The following MAGI2 variants were observed in gnomAD, a reference collection of about 807,000 sequenced individuals.
The protein encoded by MAGI2 is membrane-associated guanylate kinase, WW and PDZ domain-containing protein 2.
Under a neutral mutation model 133.3 loss-of-function variants are expected in MAGI2, and 35 were observed. The ratio of observed to expected loss-of-function variants is 0.26; its 90% CI spans 0.20 to 0.35. The LOEUF (loss-of-function observed/expected upper bound fraction) is 0.35. MAGI2 is among the 10% of genes least tolerant of loss of function. The pLI is 1.00. For synonymous variants in MAGI2, 729 were observed against 710.6 expected (o/e 1.03, Z -0.41); for missense variants, 1,636 against 1,863.4 (o/e 0.88, Z 2.25).
chr7:79,049,761 T>A (rs1005292144), intron 1 of MAGI2, among the ~76,000 whole-genome samples: 1 of 152,124 alleles, frequency 6.6e-6, no homozygotes, highest in African/African-American at 2.4e-5. Flanking sequence ...GTTTTATATG[T>A]CTGATAACAC....
At chr7:78,092,649 C>T (rs1817314415) in intron 20 of MAGI2, among the ~76,000 whole-genome samples, 2 of 152,090 alleles carry the variant, frequency 1.3e-5, no homozygotes, top group African/African-American at 4.8e-5. Flanking sequence ...TTTCTTAAAT[C>T]ACTAAAATAA....
chr7:78,685,113 A>G (rs1429399811), intron 2 of MAGI2, among the ~76,000 whole-genome samples: 5 of 152,200 alleles, frequency 3.3e-5, no homozygotes, highest in Non-Finnish European at 7.3e-5. Context: ...AGTTTTCACA[A>G]TGGTGTCTCT....
intron 2 of MAGI2, among the ~76,000 whole-genome samples, chr7:78,868,088 G>C (rs1025119672): frequency 6.6e-6 from 1 of 152,002 alleles, no homozygotes; most frequent in East Asian, 1.9e-4. Flanking sequence ...ACTGCAAAAA[G>C]ATAACATAAT....
intron 1 of MAGI2, among the ~76,000 whole-genome samples, chr7:79,123,928 A>G (rs190851735): frequency 5.4e-5 from 8 of 148,818 alleles, no homozygotes; most frequent in Admixed American, 5.3e-4. Flanking sequence ...AACTCACTCC[A>G]CTTTTTTTTT....
At chr7:79,273,360 C>T (rs549270724) in intron 1 of MAGI2, among the ~76,000 whole-genome samples, 2 of 152,154 alleles carry the variant, frequency 1.3e-5, no homozygotes, top group East Asian at 3.9e-4. Flanking sequence ...TAGTATGAGG[C>T]TCCCCATGTT....
At chr7:78,788,512 C>G (rs564655977) in intron 2 of MAGI2, among the ~76,000 whole-genome samples, 1 of 151,848 alleles carries the variant, frequency 6.6e-6, no homozygotes, top group Admixed American at 6.5e-5. Flanking sequence ...CTTTGACTGC[C>G]CTTTTTCTCT....
intron 8 of MAGI2, 57 bp from the exon 9 acceptor site, chr7:78,344,017 G>A (rs1562859591): frequency 6.5e-7 from 1 of 1,528,274 alleles, no homozygotes. Context: ...CAAGTTCTCA[G>A]ACAAGAGAAA....
chr7:78,037,558 A>T (rs1429345461), intron 21 of MAGI2, among the ~76,000 whole-genome samples: 1 of 152,252 alleles, frequency 6.6e-6, no homozygotes, highest in Non-Finnish European at 1.5e-5. Flanking sequence ...GCCGATTTCA[A>T]GCAGGCTTAA....
At chr7:78,145,507 C>T (rs1279582627) in intron 16 of MAGI2, among the ~76,000 whole-genome samples, 5 of 152,024 alleles carry the variant, frequency 3.3e-5, no homozygotes, top group Admixed American at 6.6e-5. Context: ...ATTGGCATCC[C>T]GGATTGGTCT....
intron 2 of MAGI2, among the ~76,000 whole-genome samples, chr7:78,834,996 T>G (rs2151450346): frequency 6.6e-6 from 1 of 152,310 alleles, no homozygotes; most frequent in African/African-American, 2.4e-5. Flanking sequence ...TTGTACAGCC[T>G]GCAGACTGTG....
Position 78,812,582 on chromosome 7 carries a change from A to ATG in MAGI2, c.419-185345_419-185344dup, listed in dbSNP as rs879528443. 3.9e-4 allele frequency among the ~76,000 whole-genome samples: 32 copies of ATG among 82,488 alleles called. No individual in the cohort carries two copies. In the Admixed American group the frequency reaches 4.0e-3, roughly 10 times the overall value. 54.1% of individuals were successfully genotyped at this position (82,488 alleles called of 152,430 possible). ...TACAGTTATCTACCTACATATATGT[A>ATG]TGTATGTGTGTGTGTGTGTGTGTGT... On this transcript the variant is annotated intron_variant, in intron 2 of 21. Transcript: ENST00000354212.
intron 1 of MAGI2, among the ~76,000 whole-genome samples, chr7:79,133,723 T>A (rs1170334346): frequency 1.3e-5 from 2 of 152,018 alleles, no homozygotes; most frequent in African/African-American, 4.8e-5. Context: ...CAACAGAAAA[T>A]TTTTCAATTA....
At chr7:78,497,877 G>A (rs1794269587) in intron 5 of MAGI2, among the ~76,000 whole-genome samples, 1 of 151,840 alleles carries the variant, frequency 6.6e-6, no homozygotes. Context: ...CTAATTAAAG[G>A]GTGGGACCTG....
chr7:78,017,694 T>A lies in MAGI2; in HGVS notation c.*1621A>T, dbSNP rs1348350341. On this transcript the variant is annotated 3_prime_UTR_variant, in exon 22 of 22. Coordinates refer to ENST00000354212, the MANE Select transcript of MAGI2 (RefSeq NM_012301.4). ...GAGGCTTTCAGCCTTATTCTCCTCC[T>A]GTCAAACAACTAAACTACTCCGATG... is the stretch of plus-strand genomic sequence containing the variant. 1 of 152,672 alleles carries A rather than the reference T, an allele frequency of 6.5e-6. No homozygotes were observed. The highest frequency in any genetic ancestry group is 1.5e-5 in the Non-Finnish European group (1 of 68,054). The allele number at this position is 152,672 out of a possible 1,614,324, so 9.5% of individuals were successfully genotyped here. A position where few individuals can be genotyped will look rare whatever the true frequency, so the allele number is the denominator to read the frequency against.
intron 1 of MAGI2, among the ~76,000 whole-genome samples, chr7:79,407,914 C>T (rs17152454): frequency 6.6e-6 from 1 of 151,890 alleles, no homozygotes. Flanking sequence ...TATTATTAAG[C>T]CTTTAAATTC....
chr7:78,340,238 T>C (rs1790218261), intron 9 of MAGI2, among the ~76,000 whole-genome samples: 1 of 152,132 alleles, frequency 6.6e-6, no homozygotes, highest in South Asian at 2.1e-4. Flanking sequence ...GATATAGTTA[T>C]TGTACTTTAT....
intron 3 of MAGI2, among the ~76,000 whole-genome samples, chr7:78,620,035 G>T (rs1023378135): frequency 6.6e-6 from 1 of 151,872 alleles, no homozygotes; most frequent in Non-Finnish European, 1.5e-5. Flanking sequence ...ATCTACTGCT[G>T]TTATGAAGGT....
intron 3 of MAGI2, chr7:78,618,801 T>A (rs534480278): frequency 1.3e-5 from 2 of 151,714 alleles, no homozygotes; most frequent in Admixed American, 6.6e-5. Flanking sequence ...TTCACTTACA[T>A]CTGGAATCAA....
chr7:78,224,925 C>A (rs1201720856), intron 10 of MAGI2, among the ~76,000 whole-genome samples: 1 of 152,122 alleles, frequency 6.6e-6, no homozygotes, highest in Admixed American at 6.5e-5. Context: ...CCCAGACTGT[C>A]ATTCCCAGCA....
Sources: gnomAD v4.1 joint callset for allele counts (sites outside exome capture counted in the v4.1 genomes callset) on GRCh38, gnomAD v4.1.1 for gene constraint, MANE v1.5 for transcripts, NCBI Gene and HGNC (gene_info 2026-07-23, HGNC 2026-07-21) for gene names.